The following MTOR variants were observed in gnomAD, a reference collection of about 807,000 sequenced individuals.
The protein encoded by MTOR is mechanistic target of rapamycin kinase.
A neutral mutation model predicts 319.8 loss-of-function variants in MTOR; 70 were observed. The ratio of observed to expected loss-of-function variants is 0.22; its 90% CI spans 0.18 to 0.27. The LOEUF is 0.27. MTOR is among the 10% of genes least tolerant of loss of function. The probability of loss-of-function intolerance (pLI) is 1.00; values close to 1 mark genes in which losing one functional copy is unlikely to be tolerated. For synonymous variants in MTOR, 1,183 were observed against 1,211.4 expected, an observed-to-expected ratio of 0.98 and a Z score of 0.49; for missense variants, 1,890 against 3,274.4, an observed-to-expected ratio of 0.58 and a Z score of 10.32.
In MTOR at chr1:11,189,499, C is replaced by A. The variant is rs983799995; in HGVS notation, c.4253+9759G>T. 4.7e-6 allele frequency: 7 copies of A among 1,479,630 alleles called. No homozygotes were observed. The African/African-American group carries it at 9.9e-5, about 21-fold the overall frequency. The allele number at this position is 1,479,630 out of a possible 1,614,324, so 91.7% of individuals were successfully genotyped here. Reference sequence around the variant, plus strand: ...AGTGAAAGCGTAAGGTTCAGTCAGCCTGCTGCAGCTTTGCAGACCTCAGCT... The same window carrying A: ...AGTGAAAGCGTAAGGTTCAGTCAGCATGCTGCAGCTTTGCAGACCTCAGCT... On this transcript the variant is annotated intron_variant, in intron 28 of 57. Transcript: ENST00000361445.
At chr1:11,123,292 T>C (rs1250684694) in intron 47 of MTOR, among the ~76,000 whole-genome samples, 1 of 152,162 alleles carries the variant, frequency 6.6e-6, no homozygotes, top group East Asian at 1.9e-4. Flanking sequence ...AGGGTCTCGC[T>C]GTTACCTAGG....
chr1:11,122,445 C>T (rs888935487), intron 47 of MTOR, among the ~76,000 whole-genome samples: 2 of 151,712 alleles, frequency 1.3e-5, no homozygotes, highest in Non-Finnish European at 2.9e-5. Flanking sequence ...TCATGATCCG[C>T]CTGCCTCGGC....
At chr1:11,182,561 A>T (rs1454927799) in intron 28 of MTOR, among the ~76,000 whole-genome samples, 1 of 152,214 alleles carries the variant, frequency 6.6e-6, no homozygotes, top group African/African-American at 2.4e-5. Flanking sequence ...GAATTATCAT[A>T]AAGTGAAGAC....
chr1:11,244,523 C>T (rs544114752), intron 8 of MTOR, among the ~76,000 whole-genome samples: 23 of 151,812 alleles, frequency 1.5e-4, no homozygotes, highest in Admixed American at 1.2e-3. Flanking sequence ...CCCAGCTACT[C>T]GGAAGGCTGA....
chr1:11,134,523 A>G, intron 36 of MTOR, 57 bp from the exon 37 acceptor site: 1 of 1,485,260 alleles, frequency 6.7e-7, no homozygotes, highest in Non-Finnish European at 9.4e-7. Context: ...CTTCAGAGGA[A>G]GGGAGCTACC....
At chr1:11,125,661 T>G (rs1570936750) in intron 46 of MTOR, among the ~76,000 whole-genome samples, 2 of 138,922 alleles carry the variant, frequency 1.4e-5, no homozygotes, top group Non-Finnish European at 1.5e-5. Context: ...ACTCAGGAGG[T>G]GGGGTTGCAG....
intron 28 of MTOR, among the ~76,000 whole-genome samples, chr1:11,192,599 T>C (rs879868647): frequency 2.0e-5 from 3 of 151,454 alleles, no homozygotes; most frequent in Admixed American, 2.0e-4. Flanking sequence ...CTACTAAAAA[T>C]ACAAAAAAAT....
intron 26 of MTOR, among the ~76,000 whole-genome samples, chr1:11,202,518 A>G (rs773327430): frequency 2.6e-5 from 4 of 151,550 alleles, no homozygotes; most frequent in Non-Finnish European, 4.4e-5. Flanking sequence ...GATGTACACT[A>G]TTATTCAGGT....
chr1:11,194,407 CAGCATGAAATGG>C, intron 28 of MTOR: 1 of 1,556,464 alleles, frequency 6.4e-7, no homozygotes, highest in Admixed American at 1.7e-5. Flanking sequence ...GGTATAGAGA[CAGCATGAAATGG>C]AGCCTGCTGC....
chr1:11,130,679 G>A lies in MTOR; in HGVS notation c.5463C>T (p.Ser1821=), dbSNP rs761070779. 1.6e-5 allele frequency: 26 copies of A among 1,610,940 alleles called. No homozygotes were observed. Among genetic ancestry groups the A allele is most frequent in the African/African-American group, 6.7e-5 (5 of 74,858 alleles). The change falls in exon 39 of 58, where the codon AGC becomes AGT. Residue 1821 remains serine (S), a synonymous_variant. Transcript: ENST00000361445. ...TGGTGGCGTTGGTGATGTTGGCCCC[G>A]CTGGCATGACGCAGTTTCTTCTTCT... The part of the protein sequence containing the change: ...RDEKKKLRHA[S]GANITNATTA...
intron 24 of MTOR, 124 bp from the exon 25 acceptor site, chr1:11,209,582 T>C: frequency 8.6e-7 from 1 of 1,158,942 alleles, no homozygotes; most frequent in Non-Finnish European, 1.2e-6. Flanking sequence ...AAGTAAAAAG[T>C]TGCACATATG....
At chr1:11,146,293 T>C (rs1643926744) in intron 32 of MTOR, among the ~76,000 whole-genome samples, 1 of 152,214 alleles carries the variant, frequency 6.6e-6, no homozygotes, top group African/African-American at 2.4e-5. Context: ...GTAATCAATG[T>C]GTGACATGCC....
rs757702893 is a variant in MTOR at position 11,213,391 on chromosome 1, C to G, written c.3285+8G>C. ...AAATCTCTCTGGAGGATGACGTAGGCTACTCACCTTGATAGAGACAATGCG... is the reference window on the plus strand; with the variant it reads ...AAATCTCTCTGGAGGATGACGTAGGGTACTCACCTTGATAGAGACAATGCG... On this transcript the variant is annotated splice_region_variant and intron_variant, in intron 21 of 57. Transcript: ENST00000361445. 6.2e-7 allele frequency: 1 copy of G among 1,609,848 alleles called. No homozygotes were observed. Among genetic ancestry groups the G allele is most frequent in the Non-Finnish European group, 8.5e-7 (1 of 1,178,654 alleles).
At position 11,228,672 on chromosome 1, in the gene MTOR, C is replaced by T. The variant is rs778855567; in HGVS notation, c.3026G>A (p.Arg1009Gln). Residue 1009 changes from arginine to glutamine, a missense_variant, in exon 19 of 58, where the codon CGG (arginine) becomes CAG (glutamine). Physicochemically the swap from Arg to Gln is conservative, Grantham distance 43. Coordinates refer to ENST00000361445, the MANE Select transcript of MTOR (RefSeq NM_004958.4). The part of the protein sequence containing the change: ...NVIRVCDGAI[R>Q]EFLFQQLGML... ...ATTGGGGTTTGAGGTACTTACTTCC[C>T]GGATGGCCCCATCACAGACTCGAAT... The T allele has an allele frequency of 6.8e-6, 11 of 1,613,466 alleles. No homozygotes were observed. Among genetic ancestry groups the T allele is most frequent in the African/African-American group, 2.7e-5 (2 of 74,880 alleles).
chr1:11,122,800 C>T (rs184405278), intron 47 of MTOR, among the ~76,000 whole-genome samples: 124 of 152,284 alleles, frequency 8.1e-4, no homozygotes, highest in African/African-American at 2.7e-3. Flanking sequence ...AGCCACCGCG[C>T]CCGGCGGCCC....
chr1:11,255,980 C>G lies in MTOR; in HGVS notation c.705+12G>C. 1 of 1,608,796 alleles carries G rather than the reference C, an allele frequency of 6.2e-7. No homozygotes were observed. The highest frequency in any genetic ancestry group is 1.1e-5 in the South Asian group (1 of 90,840). The stretch of plus-strand genomic sequence containing the variant: ...TGCTTTGCTAGTGGTGGGAATGGAG[C>G]CATCTCCTTACCCTGTACCACTGAG... On this transcript the variant is annotated intron_variant, in intron 5 of 57. Transcript: ENST00000361445.
intron 30 of MTOR, among the ~76,000 whole-genome samples, chr1:11,152,177 C>T (rs1022198531): frequency 1.8e-4 from 28 of 152,140 alleles, no homozygotes; most frequent in African/African-American, 6.5e-4. Context: ...CTCTCAAGGG[C>T]GGTTGGGTGA....
At position 11,106,589 on chromosome 1, in the gene MTOR, T is replaced by TG. The variant is rs1269837006; in HGVS notation, c.*895dup. 22 of 1,072,784 alleles carry TG rather than the reference T, an allele frequency of 2.1e-5. No homozygotes were observed. Among genetic ancestry groups the TG allele is most frequent in the Non-Finnish European group, 2.5e-5 (22 of 883,372 alleles). The allele number at this position is 1,072,784 out of a possible 1,614,324, so 66.5% of individuals were successfully genotyped here. Reference sequence around the variant, plus strand: ...GCACAAAAATTATTCTGATACAACATGGTGTCTAGACATGGCTACACTTTA... The same window carrying TG: ...GCACAAAAATTATTCTGATACAACATGGGTGTCTAGACATGGCTACACTTTA... On this transcript the variant is annotated 3_prime_UTR_variant, in exon 58 of 58. Coordinates refer to ENST00000361445, the MANE Select transcript of MTOR (RefSeq NM_004958.4).
At chr1:11,196,985 C>T (rs1645808372) in intron 28 of MTOR, among the ~76,000 whole-genome samples, 1 of 151,874 alleles carries the variant, frequency 6.6e-6, no homozygotes. Flanking sequence ...TCTGAAAAAG[C>T]AGACAACTTG....
Sources: allele counts gnomAD v4.1 joint callset (sites outside exome capture counted in the v4.1 genomes callset), GRCh38; gene constraint gnomAD v4.1.1; transcripts MANE v1.5; gene names NCBI Gene and HGNC (gene_info 2026-07-23, HGNC 2026-07-21).